The following NBAS variants were observed in gnomAD, a reference collection of about 807,000 sequenced individuals.
NBAS encodes the protein NBAS subunit of NRZ tethering complex.
A neutral mutation model predicts 302.5 loss-of-function variants in NBAS; 219 were observed. The ratio of observed to expected loss-of-function variants is 0.72; its 90% CI spans 0.65 to 0.81. The LOEUF is 0.81. NBAS is among the 30% of genes least tolerant of loss of function. The pLI, the probability that NBAS is intolerant of heterozygous loss-of-function variation, is 0.00. For missense variants in NBAS, 2,932 were observed against 2,841.6 expected, an observed-to-expected ratio of 1.03 and a Z score of -0.72; for synonymous variants, 1,118 against 1,021.6, an observed-to-expected ratio of 1.09 and a Z score of -1.80.
rs1187148606 is a variant in NBAS, at chr2:15,554,094, T to C, written c.254A>G (p.Asn85Ser). 6.2e-7 allele frequency: 1 copy of C among 1,613,890 alleles called. No homozygotes were observed. Among genetic ancestry groups the C allele is most frequent in the Non-Finnish European group, 8.5e-7 (1 of 1,179,960 alleles). ...TACCAAATGCCAGTTTATCTGTTTA[T>C]TAACCAAGCGAACCAGTCCATCAGG... ...LLPDGLVRLV[N>S]KQINWHLVLA... The change falls in exon 4 of 52, where the codon AAT becomes AGT. Residue 85 changes from asparagine to serine, a missense_variant. Physicochemically the swap from Asn to Ser is conservative, Grantham distance 46 (BLOSUM62 1). Coordinates refer to ENST00000281513, the MANE Select transcript of NBAS (RefSeq NM_015909.4).
chr2:15,304,041 C>T (rs748669493), intron 40 of NBAS, among the ~76,000 whole-genome samples: 3 of 152,188 alleles, frequency 2.0e-5, no homozygotes, highest in Non-Finnish European at 2.9e-5. Context: ...GGATGCTTAA[C>T]GACTGACAGC....
chr2:15,001,087 T>G, the NBAS span, among the ~76,000 whole-genome samples: 1 of 152,128 alleles, frequency 6.6e-6, no homozygotes, highest in African/African-American at 2.4e-5. Context: ...CTAACAATGT[T>G]CAAATAGCAT....
chr2:15,112,824 T>C, the NBAS span, among the ~76,000 whole-genome samples: 3 of 152,012 alleles, frequency 2.0e-5, no homozygotes, highest in Admixed American at 2.0e-4. Context: ...AAGAATATCA[T>C]TCTCTTGAGC....
At chr2:14,782,428 G>A in the NBAS span, among the ~76,000 whole-genome samples, 1 of 152,152 alleles carries the variant, frequency 6.6e-6, no homozygotes, top group Middle Eastern at 3.2e-3. Flanking sequence ...ACACCAGTCA[G>A]AGTGGCTATT....
In NBAS at chr2:15,292,290, T is replaced by C. The variant is rs1045743648; in HGVS notation, c.5027+247A>G. The stretch of plus-strand genomic sequence containing the variant: ...ATGAGCCACCACACCCATCCAAAAA[T>C]CATTATTTTAACTAATGATTTAAAC... On this transcript the variant is annotated intron_variant, in intron 41 of 51. Transcript: ENST00000281513. Among the ~76,000 whole-genome samples the C allele has an allele frequency of 2.6e-5, 4 of 152,186 alleles. No individual in the cohort carries two copies. The East Asian group carries it at 7.7e-4, about 29-fold the overall frequency.
chr2:15,357,111 G>C (rs1397173130), intron 32 of NBAS, among the ~76,000 whole-genome samples: 1 of 152,064 alleles, frequency 6.6e-6, no homozygotes, highest in East Asian at 1.9e-4. Context: ...CCAGCCCTCA[G>C]GCAAGAATTT....
the NBAS span, among the ~76,000 whole-genome samples, chr2:14,862,061 A>G: frequency 1.3e-5 from 2 of 152,192 alleles, no homozygotes; most frequent in African/African-American, 4.8e-5. Context: ...TCAAGAAGGG[A>G]ATCAGTGTGA....
At chr2:14,908,333 A>T in the NBAS span, among the ~76,000 whole-genome samples, 3 of 152,256 alleles carry the variant, frequency 2.0e-5, no homozygotes, top group Non-Finnish European at 4.4e-5. Flanking sequence ...ACTGCACTCC[A>T]GCCTGGGTGA....
chr2:14,947,027 TA>T, the NBAS span, among the ~76,000 whole-genome samples: 1 of 152,070 alleles, frequency 6.6e-6, no homozygotes, highest in Non-Finnish European at 1.5e-5. Context: ...GAAGTTCTAA[TA>T]GGAAGTTTAT....
At chr2:15,034,047 A>C in the NBAS span, among the ~76,000 whole-genome samples, 2 of 91,748 alleles carry the variant, frequency 2.2e-5, 1 homozygote, top group Non-Finnish European at 4.0e-5. Context: ...AAGGAGGAGG[A>C]GGAGGAGGAG....
chr2:15,248,325 A>G (rs1668199699), intron 44 of NBAS, among the ~76,000 whole-genome samples: 2 of 152,308 alleles, frequency 1.3e-5, no homozygotes, highest in South Asian at 4.1e-4. Flanking sequence ...GAAATTTATA[A>G]CACTAAATGA....
chr2:15,199,175 A>G (rs1665763660), intron 48 of NBAS, among the ~76,000 whole-genome samples: 1 of 152,018 alleles, frequency 6.6e-6, no homozygotes, highest in Non-Finnish European at 1.5e-5. Context: ...TAAGTTGAAG[A>G]AACAACTACG....
At chr2:14,925,420 C>A in the NBAS span, among the ~76,000 whole-genome samples, 57 of 152,306 alleles carry the variant, frequency 3.7e-4, no homozygotes, top group East Asian at 0.011. Context: ...GACTAGGCTA[C>A]ACACTCCTAC....
At chr2:15,401,845 C>G (rs1676166155) in intron 26 of NBAS, among the ~76,000 whole-genome samples, 1 of 152,076 alleles carries the variant, frequency 6.6e-6, no homozygotes, top group Non-Finnish European at 1.5e-5. Flanking sequence ...ATTAAAAACA[C>G]AATTACTACC....
intron 6 of NBAS, among the ~76,000 whole-genome samples, chr2:15,549,606 T>C (rs1371148545): frequency 1.3e-5 from 2 of 152,032 alleles, no homozygotes; most frequent in East Asian, 3.9e-4. Flanking sequence ...CACGCACCTG[T>C]AGCCCCAGCC....
intron 9 of NBAS, among the ~76,000 whole-genome samples, chr2:15,512,124 A>C (rs1423561360): frequency 6.6e-6 from 1 of 152,260 alleles, no homozygotes; most frequent in Non-Finnish European, 1.5e-5. Flanking sequence ...ATACTCATAG[A>C]AAAACCAAAT....
intron 48 of NBAS, among the ~76,000 whole-genome samples, chr2:15,210,767 T>C (rs1217236712): frequency 6.6e-6 from 1 of 152,186 alleles, no homozygotes; most frequent in Admixed American, 6.5e-5. Flanking sequence ...GTGGTACATA[T>C]ATACAATGGA....
chr2:15,253,308 C>T (rs997331853), intron 44 of NBAS, among the ~76,000 whole-genome samples: 1 of 152,074 alleles, frequency 6.6e-6, no homozygotes, highest in African/African-American at 2.4e-5. Context: ...GGAGTTCAAT[C>T]ACCAAAGCCA....
At chr2:15,354,237 C>T (rs1673508353) in intron 33 of NBAS, among the ~76,000 whole-genome samples, 1 of 152,232 alleles carries the variant, frequency 6.6e-6, no homozygotes, top group African/African-American at 2.4e-5. Context: ...GATCTCCATA[C>T]AGAATCACTC....
Sources: allele counts gnomAD v4.1 joint callset (sites outside exome capture counted in the v4.1 genomes callset), GRCh38; gene constraint gnomAD v4.1.1; transcripts MANE v1.5; gene names NCBI Gene and HGNC (gene_info 2026-07-23, HGNC 2026-07-21).